Variants in OTOGL observed in about 807,000 individuals in gnomAD.
OTOGL encodes the protein otogelin like.
Under a neutral mutation model 318.5 loss-of-function variants are expected in OTOGL, and 285 were observed. That is an observed-to-expected ratio of 0.89 (90% CI 0.81 to 0.99). OTOGL has a LOEUF of 0.99. Ranked by LOEUF, OTOGL falls within the 50% of genes least tolerant of loss-of-function variation. The probability of loss-of-function intolerance (pLI) is 0.00; values close to 1 mark genes in which losing one functional copy is unlikely to be tolerated. For missense variants in OTOGL, 2,899 were observed against 2,845.6 expected (o/e 1.02, Z -0.43); for synonymous variants, 987 against 936.5 (o/e 1.05, Z -0.99).
intron 42 of OTOGL, among the ~76,000 whole-genome samples, chr12:80,338,496 G>A (rs1228343764): frequency 6.6e-6 from 1 of 152,038 alleles, no homozygotes; most frequent in African/African-American, 2.4e-5. Flanking sequence ...GTTTTTCAAA[G>A]TACAATCCTT....
intron 1 of OTOGL, among the ~76,000 whole-genome samples, chr12:80,100,207 A>G (rs1389034122): frequency 6.6e-6 from 1 of 152,188 alleles, no homozygotes; most frequent in Non-Finnish European, 1.5e-5. Flanking sequence ...AACTAGTGGC[A>G]AGTATTGTTA....
intron 1 of OTOGL, among the ~76,000 whole-genome samples, chr12:80,179,873 A>G (rs1034602725): frequency 1.3e-5 from 2 of 152,148 alleles, no homozygotes; most frequent in African/African-American, 4.8e-5. Context: ...TTTGCTGTTC[A>G]CTCAGTTGTT....
Position 80,353,308 on chromosome 12 carries a change from T to C in OTOGL, c.5408-17T>C. The C allele has an allele frequency of 7.3e-7, 1 of 1,370,498 alleles. No homozygotes were observed. Among genetic ancestry groups the C allele is most frequent in the Non-Finnish European group, 9.6e-7 (1 of 1,045,834 alleles). The allele number at this position is 1,370,498 out of a possible 1,614,324, so 84.9% of individuals were successfully genotyped here. ...TTACTTTTATCATTAGCAAATTTTG[T>C]CTCCTATTCTTCAAAGCCCTGAGTT... On this transcript the variant is annotated splice_polypyrimidine_tract_variant and intron_variant, in intron 45 of 58. Coordinates refer to ENST00000547103, the MANE Select transcript of OTOGL (RefSeq NM_001378609.3).
chr12:80,185,190 G>A (rs1592527277), intron 1 of OTOGL, among the ~76,000 whole-genome samples: 3 of 152,276 alleles, frequency 2.0e-5, no homozygotes, highest in South Asian at 4.2e-4. Flanking sequence ...AATGAGACAG[G>A]CAATGTGAAC....
At chr12:80,147,428 T>A (rs1257372622) in intron 1 of OTOGL, among the ~76,000 whole-genome samples, 1 of 151,218 alleles carries the variant, frequency 6.6e-6, no homozygotes, top group Non-Finnish European at 1.5e-5. Context: ...GACAGTTTGT[T>A]ATAATCTCTG....
At chr12:80,364,168 C>T (rs1415791229) in intron 52 of OTOGL, among the ~76,000 whole-genome samples, 1 of 152,120 alleles carries the variant, frequency 6.6e-6, no homozygotes, top group Non-Finnish European at 1.5e-5. Flanking sequence ...TATCCTTGAA[C>T]ATCTTACCCA....
intron 13 of OTOGL, among the ~76,000 whole-genome samples, chr12:80,252,914 A>G (rs1881700007): frequency 6.6e-6 from 1 of 152,168 alleles, no homozygotes; most frequent in Admixed American, 6.5e-5. Context: ...GCACCAAAAT[A>G]AAGTCAGTGC....
intron 25 of OTOGL, among the ~76,000 whole-genome samples, chr12:80,278,616 C>A (rs546975802): frequency 2.6e-5 from 4 of 151,302 alleles, no homozygotes; most frequent in Non-Finnish European, 4.4e-5. Flanking sequence ...AAAAGAATAC[C>A]ATAAAATAAA....
chr12:80,362,444 G>C (rs879653975), intron 52 of OTOGL, among the ~76,000 whole-genome samples: 1 of 152,040 alleles, frequency 6.6e-6, no homozygotes, highest in Non-Finnish European at 1.5e-5. Flanking sequence ...TTTTGCTCAA[G>C]ATTGCTTTGG....
chr12:80,243,143 G>T (rs1366544192), intron 11 of OTOGL, among the ~76,000 whole-genome samples: 1 of 151,794 alleles, frequency 6.6e-6, no homozygotes, highest in Non-Finnish European at 1.5e-5. Flanking sequence ...CAAATTTCTA[G>T]AACCTAAACA....
At chr12:80,348,579 A>G (rs1889348935) in intron 44 of OTOGL, among the ~76,000 whole-genome samples, 1 of 152,136 alleles carries the variant, frequency 6.6e-6, no homozygotes, top group African/African-American at 2.4e-5. Context: ...CAGGCAGAAT[A>G]GTATCTTAAA....
chr12:80,336,689 A>T, intron 40 of OTOGL, 108 bp from the exon 41 acceptor site: 1 of 1,405,928 alleles, frequency 7.1e-7, no homozygotes, highest in Non-Finnish European at 9.6e-7. Context: ...TGTTTCAGAA[A>T]CATTTCTGAA....
intron 33 of OTOGL, among the ~76,000 whole-genome samples, chr12:80,319,699 C>T (rs546154320): frequency 6.9e-4 from 105 of 152,056 alleles, no homozygotes; most frequent in African/African-American, 2.3e-3. Context: ...TAGAAAAAAT[C>T]CAAATAATGT....
Position 80,377,243 on chromosome 12 carries a change from C to A in OTOGL, c.6861+41C>A. On this transcript the variant is annotated intron_variant, in intron 58 of 58. Coordinates refer to ENST00000547103, the MANE Select transcript of OTOGL (RefSeq NM_001378609.3). ...TCATTTGCTACATAAATGCACACAT[C>A]TTTTTAGAAAGTATGTGTGTTACAG... The A allele has an allele frequency of 2.1e-6, 3 of 1,459,158 alleles. No individual in the cohort carries two copies. In the Admixed American group the frequency reaches 5.7e-5, roughly 28 times the overall value. The allele number at this position is 1,459,158 out of a possible 1,614,324, so 90.4% of individuals were successfully genotyped here. A position where few individuals can be genotyped will look rare whatever the true frequency, so the allele number is the denominator to read the frequency against.
intron 1 of OTOGL, chr12:80,102,843 T>C (rs1020911753): frequency 1.0e-5 from 7 of 700,992 alleles, no homozygotes; most frequent in East Asian, 2.5e-5. Context: ...GTCATAAGGC[T>C]CTTCTTTTTT....
chr12:80,372,932 C>T (rs1016715499), intron 57 of OTOGL, among the ~76,000 whole-genome samples: 1 of 151,992 alleles, frequency 6.6e-6, no homozygotes, highest in Admixed American at 6.6e-5. Context: ...AGTGATCTGC[C>T]CACTTCGGCC....
chr12:80,271,872 A>G, intron 24 of OTOGL, 62 bp downstream of exon 24: 2 of 1,512,354 alleles, frequency 1.3e-6, no homozygotes, highest in East Asian at 4.6e-5. Flanking sequence ...ATATCTCCTG[A>G]AAACATTCTT....
At chr12:80,338,657 A>G (rs1411388024) in intron 42 of OTOGL, among the ~76,000 whole-genome samples, 2 of 152,118 alleles carry the variant, frequency 1.3e-5, no homozygotes, top group Non-Finnish European at 2.9e-5. Flanking sequence ...GATGATTGTT[A>G]TGAACATTGC....
chr12:80,311,254 T>C (rs1886617566), intron 30 of OTOGL, among the ~76,000 whole-genome samples: 1 of 152,218 alleles, frequency 6.6e-6, no homozygotes, highest in Non-Finnish European at 1.5e-5. Flanking sequence ...AAGTAATATT[T>C]CTGCTGCATA....
Sources: allele counts gnomAD v4.1 joint callset (sites outside exome capture counted in the v4.1 genomes callset), GRCh38; gene constraint gnomAD v4.1.1; transcripts MANE v1.5; gene names NCBI Gene and HGNC (gene_info 2026-07-23, HGNC 2026-07-21).